Variants in VWA8 observed in about 807,000 individuals in gnomAD.
VWA8 encodes von Willebrand factor A domain containing 8.
A neutral mutation model predicts 241.5 loss-of-function variants in VWA8; 221 were observed. The ratio of observed to expected loss-of-function variants is 0.91; its 90% CI spans 0.82 to 1.02. The LOEUF is 1.02. Among genes scored for constraint, VWA8 ranks in the 50% least tolerant of loss-of-function variants. VWA8 has a pLI of 0.00. For missense variants in VWA8, 2,322 were observed against 2,328.7 expected, an observed-to-expected ratio of 1.00 and a Z score of 0.06; for synonymous variants, 852 against 827.1, an observed-to-expected ratio of 1.03 and a Z score of -0.52.
At chr13:41,951,014 C>T (rs1021658428) in intron 1 of VWA8, among the ~76,000 whole-genome samples, 8 of 152,118 alleles carry the variant, frequency 5.3e-5, no homozygotes, top group Non-Finnish European at 1.5e-5. Flanking sequence ...TTTTACATAT[C>T]TTTGTACACC....
intron 1 of VWA8, among the ~76,000 whole-genome samples, chr13:41,950,867 C>T (rs1878103580): frequency 6.6e-6 from 1 of 151,052 alleles, no homozygotes; most frequent in Non-Finnish European, 1.5e-5. Flanking sequence ...TGAGGTTTCA[C>T]CATGTTGGCC....
At chr13:41,947,141 T>C (rs1199737764) in intron 2 of VWA8, among the ~76,000 whole-genome samples, 2 of 152,188 alleles carry the variant, frequency 1.3e-5, no homozygotes, top group Non-Finnish European at 2.9e-5. Flanking sequence ...GCATTGGGGG[T>C]TGAGCCCAGT....
chr13:41,797,810 C>A (rs543061975), intron 17 of VWA8, among the ~76,000 whole-genome samples: 173 of 152,170 alleles, frequency 1.1e-3, no homozygotes, highest in African/African-American at 4.0e-3. Flanking sequence ...TTAAATGTGA[C>A]TCTTGTAGCA....
intron 12 of VWA8, among the ~76,000 whole-genome samples, chr13:41,863,419 G>GAATATATA (rs1236626675): frequency 1.4e-5 from 1 of 70,074 alleles, no homozygotes; most frequent in Non-Finnish European, 3.0e-5. Context: ...GTGTGTGTGT[G>GAATATATA]TGTGTGTGTG....
intron 40 of VWA8, among the ~76,000 whole-genome samples, chr13:41,602,614 G>A (rs1385880999): frequency 6.6e-6 from 1 of 152,094 alleles, no homozygotes; most frequent in Non-Finnish European, 1.5e-5. Context: ...CTGTAATCCA[G>A]GCTGATAAAT....
chr13:41,581,152 C>T (rs1178726718), intron 42 of VWA8, among the ~76,000 whole-genome samples: 1 of 127,598 alleles, frequency 7.8e-6, no homozygotes, highest in Non-Finnish European at 1.5e-5. Flanking sequence ...AGGCGCCCGC[C>T]ACCTCGCCCG....
At chr13:41,767,820 C>T (rs1372227384) in intron 20 of VWA8, among the ~76,000 whole-genome samples, 1 of 152,200 alleles carries the variant, frequency 6.6e-6, no homozygotes, top group African/African-American at 2.4e-5. Flanking sequence ...TGGCAAAAAT[C>T]CACTTTTGGG....
intron 2 of VWA8, among the ~76,000 whole-genome samples, chr13:41,937,267 C>A (rs543594266): frequency 5.3e-5 from 8 of 152,258 alleles, no homozygotes; most frequent in Non-Finnish European, 1.0e-4. Flanking sequence ...CACTTTATTT[C>A]TCTTATTATT....
intron 10 of VWA8, 30 bp from the exon 11 acceptor site, chr13:41,866,066 G>C: frequency 6.2e-7 from 1 of 1,606,462 alleles, no homozygotes; most frequent in Non-Finnish European, 8.5e-7. Context: ...AATATAACAT[G>C]GCCAGATGTG....
chr13:41,615,991 A>T (rs928793695), intron 37 of VWA8, among the ~76,000 whole-genome samples: 5 of 152,258 alleles, frequency 3.3e-5, no homozygotes, highest in Admixed American at 6.5e-5. Flanking sequence ...AAGAAAATGT[A>T]CTGATGGAAC....
intron 2 of VWA8, among the ~76,000 whole-genome samples, chr13:41,919,809 C>T (rs1273298490): frequency 1.3e-5 from 2 of 152,050 alleles, no homozygotes; most frequent in East Asian, 1.9e-4. Context: ...GTGCCATAGC[C>T]GACACTGTAC....
chr13:41,930,111 G>A (rs916227894), intron 2 of VWA8, among the ~76,000 whole-genome samples: 1 of 152,090 alleles, frequency 6.6e-6, no homozygotes, highest in African/African-American at 2.4e-5. Context: ...TGGCCAACAG[G>A]TATATGAAAA....
chr13:41,617,555 T>G (rs904148309), intron 37 of VWA8, among the ~76,000 whole-genome samples: 1 of 152,198 alleles, frequency 6.6e-6, no homozygotes, highest in African/African-American at 2.4e-5. Flanking sequence ...TTGTTACATA[T>G]AGTATACACA....
At chr13:41,864,754 G>A (rs373175329) in intron 12 of VWA8, 1 of 286,296 alleles carries the variant, frequency 3.5e-6, no homozygotes, top group Admixed American at 5.1e-5. Flanking sequence ...AAAGGAAGTG[G>A]TAATGGTTAC....
intron 2 of VWA8, chr13:41,927,457 G>T: frequency 1.0e-5 from 3 of 296,374 alleles, no homozygotes; most frequent in South Asian, 6.9e-5. Context: ...GACTACCACA[G>T]TTCCATTCAG....
In VWA8 at chr13:41,824,450, TC is replaced by T. The variant is rs1224044426; in HGVS notation, c.1701-5065del. Among the ~76,000 whole-genome samples, 160 of 152,250 alleles carry T rather than the reference TC, an allele frequency of 1.1e-3. 1 individual carries two copies. The highest frequency in any genetic ancestry group is 1.3e-4 in the Non-Finnish European group (9 of 68,014). ...GGTTTGTAGAAATGAGTTCAAAGTT[TC>T]TCTAAGACACCTAAGGAGAGATATC... is the stretch of plus-strand genomic sequence containing the variant. On this transcript the variant is annotated intron_variant, in intron 14 of 44. Transcript: ENST00000379310.
intron 17 of VWA8, among the ~76,000 whole-genome samples, chr13:41,789,628 T>A (rs1389629926): frequency 6.6e-6 from 1 of 152,074 alleles, no homozygotes; most frequent in Non-Finnish European, 1.5e-5. Context: ...TGGGATAGGA[T>A]CTTTAGATTA....
chr13:41,924,683 C>A (rs4362287), intron 2 of VWA8, among the ~76,000 whole-genome samples: 2 of 151,836 alleles, frequency 1.3e-5, no homozygotes, highest in Non-Finnish European at 2.9e-5. Context: ...ATGACTTGAG[C>A]TGTTGGTTCA....
intron 28 of VWA8, 38 bp from the exon 29 acceptor site, chr13:41,699,308 AC>A: frequency 1.2e-6 from 2 of 1,603,782 alleles, no homozygotes; most frequent in Non-Finnish European, 1.7e-6. Context: ...GTGGCTGGCA[AC>A]CAATTCTCTA....
Sources: allele counts gnomAD v4.1 joint callset (sites outside exome capture counted in the v4.1 genomes callset), GRCh38; gene constraint gnomAD v4.1.1; transcripts MANE v1.5; gene names NCBI Gene and HGNC (gene_info 2026-07-23, HGNC 2026-07-21).